The following CHMP7 variants were observed in gnomAD, a reference collection of about 807,000 sequenced individuals.
CHMP7 encodes the protein charged multivesicular body protein 7, also known as CHMP family, member 7.
CHMP7 carries 15 observed loss-of-function variants against 53.7 expected under a neutral mutation model. The ratio of observed to expected loss-of-function variants is 0.28; its 90% CI spans 0.19 to 0.43. The LOEUF (loss-of-function observed/expected upper bound fraction) is 0.43, where lower values mean the gene tolerates loss of function less well. Ranked by LOEUF, CHMP7 falls within the 20% of genes least tolerant of loss-of-function variation. The pLI, the probability that CHMP7 is intolerant of heterozygous loss-of-function variation, is 1.00. For missense variants in CHMP7, 527 were observed against 569.4 expected (o/e 0.93, Z 0.76); for synonymous variants, 261 against 228.0 (o/e 1.14, Z -1.30).
intron 3 of CHMP7, among the ~76,000 whole-genome samples, chr8:23,254,184 A>ACC (rs376074969): frequency 2.6e-5 from 2 of 76,684 alleles, no homozygotes; most frequent in East Asian, 4.5e-4. Context: ...ATTCTGCTCA[A>ACC]CTTTTTTTTT....
At chr8:23,253,748 T>G (rs576558543) in intron 3 of CHMP7, among the ~76,000 whole-genome samples, 93 of 152,308 alleles carry the variant, frequency 6.1e-4, no homozygotes, top group Admixed American at 5.7e-3. Flanking sequence ...CAACCCTATA[T>G]CCAGTTACCA....
intron 3 of CHMP7, among the ~76,000 whole-genome samples, chr8:23,253,831 C>A (rs1802023620): frequency 6.6e-6 from 1 of 152,184 alleles, no homozygotes; most frequent in African/African-American, 2.4e-5. Context: ...GCCTGTTGTT[C>A]AGACCCACAT....
intron 4 of CHMP7, among the ~76,000 whole-genome samples, chr8:23,256,113 G>C (rs943480306): frequency 6.6e-6 from 1 of 152,174 alleles, no homozygotes; most frequent in African/African-American, 2.4e-5. Flanking sequence ...TGGCAGTCCA[G>C]ATTTACCAAA....
intron 3 of CHMP7, among the ~76,000 whole-genome samples, chr8:23,251,775 A>G (rs1160695237): frequency 6.6e-6 from 1 of 152,202 alleles, no homozygotes; most frequent in Non-Finnish European, 1.5e-5. Flanking sequence ...GCCACAATTT[A>G]TGCAACAGGT....
Position 23,246,454 on chromosome 8 carries a change from G to C in CHMP7, c.-242G>C. 1.8e-6 allele frequency: 1 copy of C among 552,322 alleles called. No homozygotes were observed. 34.2% of individuals were successfully genotyped at this position (552,322 alleles called of 1,614,324 possible). ...TCTTTCGGCACAAAGACCGTGGGAG[G>C]AGGGGTCGGCGCAAGCGCTCGGTGT... On this transcript the variant is annotated 5_prime_UTR_variant, in exon 2 of 11. Transcript: ENST00000397677.
At chr8:23,251,890 A>C (rs1801943845) in intron 3 of CHMP7, among the ~76,000 whole-genome samples, 1 of 152,028 alleles carries the variant, frequency 6.6e-6, no homozygotes, top group Non-Finnish European at 1.5e-5. Context: ...CTTTATTTTT[A>C]TGGAATTGAT....
In CHMP7 at chr8:23,255,424, G is replaced by T; in HGVS notation, c.649G>T (p.Gly217Trp). ...EKRVTVLEQN[G>W]EKIVKFARGP... ...GAGGGTCACAGTCCTCGAGCAGAAC[G>T]GGGAGAAGGTATGGAGGCTCATCTG... Residue 217 changes from glycine to tryptophan, a missense_variant, in exon 4 of 11, where the codon GGG (glycine) becomes TGG (tryptophan). Physicochemically the swap from Gly to Trp is radical, Grantham distance 184. Coordinates refer to ENST00000397677, the MANE Select transcript of CHMP7 (RefSeq NM_152272.5). 1 of 1,614,110 alleles carries T rather than the reference G, an allele frequency of 6.2e-7. No homozygotes were observed. The highest frequency in any genetic ancestry group is 2.2e-5 in the East Asian group (1 of 44,876).
intron 5 of CHMP7, 82 bp downstream of exon 5, chr8:23,256,675 T>C: frequency 8.9e-7 from 1 of 1,129,420 alleles, no homozygotes; most frequent in Admixed American, 2.7e-5. Flanking sequence ...ATGTGGGCTT[T>C]TAAAAAATAG....
intron 3 of CHMP7, chr8:23,254,949 C>T (rs2128858899): frequency 9.0e-6 from 4 of 444,082 alleles, no homozygotes; most frequent in Non-Finnish European, 1.7e-5. Context: ...CTCAGTCTTC[C>T]CTTGGGAAAC....
At chr8:23,254,455 C>T (rs992159508) in intron 3 of CHMP7, among the ~76,000 whole-genome samples, 6 of 152,064 alleles carry the variant, frequency 3.9e-5, no homozygotes, top group East Asian at 1.9e-4. Context: ...AGTGCAGTGG[C>T]GCGATCTCGG....
chr8:23,259,081 G>A lies in CHMP7; in HGVS notation c.1075G>A (p.Asp359Asn), dbSNP rs1381732984. ...TCTCTTACAGCTCTGTGACACCCAG[G>A]ATGAAGTTTCTCAGACTCTGGCTGG... ...DQIQELCDTQ[D>N]EVSQTLAGGV... Residue 359 changes from aspartate (D) to asparagine (N), a missense_variant, in exon 9 of 11, where the codon GAT becomes AAT. By Grantham distance (23) the Asp-to-Asn change is conservative. Transcript: ENST00000397677. 1.9e-6 allele frequency: 3 copies of A among 1,608,828 alleles called. No individual in the cohort carries two copies. Among genetic ancestry groups the A allele is most frequent in the South Asian group, 2.2e-5 (2 of 90,990 alleles).
Position 23,256,445 on chromosome 8 carries a change from C to G in CHMP7, c.658-15C>G, listed in dbSNP as rs763188511. The G allele has an allele frequency of 5.7e-6, 9 of 1,589,792 alleles. No individual in the cohort carries two copies. The highest frequency in any genetic ancestry group is 6.9e-6 in the Non-Finnish European group (8 of 1,158,066). On this transcript the variant is annotated splice_polypyrimidine_tract_variant and intron_variant, in intron 4 of 10. Transcript: ENST00000397677. ...TTTGTGGTAGCAGCAGTAGTAATTT[C>G]TCCCTGTCCCTCAGATTGTGAAGTT...
intron 6 of CHMP7, 38 bp from the exon 7 acceptor site, chr8:23,258,292 G>T (rs747162552): frequency 6.8e-6 from 11 of 1,613,482 alleles, no homozygotes; most frequent in Non-Finnish European, 8.5e-6. Context: ...CCTTTGGCTC[G>T]CCCAGTTCAG....
At position 23,255,300 on chromosome 8, in the gene CHMP7, C is replaced by T. The variant is rs1802081441; in HGVS notation, c.525C>T (p.His175=). ...ATCAGAACTCGCCCCTCTCCTCCCA[C>T]CCCGTGGTGGCCCTGTCAGAGCTCA... The part of the protein sequence containing the change: ...RLYQNSPLSS[H]PVVALSELST... Residue 175 remains histidine (H), a synonymous_variant, in exon 4 of 11, where the codon CAC becomes CAT. Coordinates refer to ENST00000397677, the MANE Select transcript of CHMP7 (RefSeq NM_152272.5). 1 of 1,614,092 alleles carries T rather than the reference C, an allele frequency of 6.2e-7. No homozygotes were observed. Among genetic ancestry groups the T allele is most frequent in the African/African-American group, 1.3e-5 (1 of 74,944 alleles).
chr8:23,258,173 G>A, intron 6 of CHMP7, 92 bp downstream of exon 6: 1 of 1,432,968 alleles, frequency 7.0e-7, no homozygotes. Context: ...CTGGGGTTTT[G>A]AGGGGGGTAG....
chr8:23,246,253 C>T lies in CHMP7; in HGVS notation c.-440-3C>T, dbSNP rs1364512195. On this transcript the variant is annotated splice_region_variant and splice_polypyrimidine_tract_variant and intron_variant, in intron 1 of 10. Coordinates refer to ENST00000397677, the MANE Select transcript of CHMP7 (RefSeq NM_152272.5). ...TCATTGATATAAATTTCCCTCTATA[C>T]AGAGATTCACGGATCCATCCGGGTG... is the stretch of plus-strand genomic sequence containing the variant. 1 of 169,784 alleles carries T rather than the reference C, an allele frequency of 5.9e-6. No homozygotes were observed. The highest frequency in any genetic ancestry group is 2.4e-5 in the African/African-American group (1 of 41,698). 10.5% of individuals were successfully genotyped at this position (169,784 alleles called of 1,614,324 possible). A position where few individuals can be genotyped will look rare whatever the true frequency, so the allele number is the denominator to read the frequency against.
intron 5 of CHMP7, among the ~76,000 whole-genome samples, chr8:23,257,111 T>C (rs1238775122): frequency 8.2e-6 from 1 of 122,158 alleles, no homozygotes; most frequent in Non-Finnish European, 1.7e-5. Context: ...TTTTTTTTCC[T>C]CAATTGAGAC....
At chr8:23,256,365 G>T (rs942549544) in intron 4 of CHMP7, 95 bp from the exon 5 acceptor site, 5 of 796,310 alleles carry the variant, frequency 6.3e-6, no homozygotes, top group Non-Finnish European at 8.9e-6. Context: ...GATAAGGGGG[G>T]CCTGCTGTTC....
intron 1 of CHMP7, among the ~76,000 whole-genome samples, chr8:23,244,605 G>A (rs1226821152): frequency 2.0e-5 from 3 of 152,240 alleles, no homozygotes; most frequent in South Asian, 4.1e-4. Flanking sequence ...GTTCAATATT[G>A]TGTTGGCTCT....
Sources: allele counts gnomAD v4.1 joint callset (sites outside exome capture counted in the v4.1 genomes callset), GRCh38; gene constraint gnomAD v4.1.1; transcripts MANE v1.5; gene names NCBI Gene and HGNC (gene_info 2026-07-23, HGNC 2026-07-21).